HORMAD1: variants seen among roughly 807,000 people sequenced by gnomAD.
The protein encoded by HORMAD1 is HORMA domain containing 1.
Under a neutral mutation model 58.2 loss-of-function variants are expected in HORMAD1, and 33 were observed. The observed-to-expected ratio is 0.57, with a 90% CI of 0.43 to 0.76. The LOEUF (loss-of-function observed/expected upper bound fraction) is 0.76. Among genes scored for constraint, HORMAD1 ranks in the 30% least tolerant of loss-of-function variants. The probability of loss-of-function intolerance (pLI) is 0.00; values close to 1 mark genes in which losing one functional copy is unlikely to be tolerated. For synonymous variants in HORMAD1, 137 were observed against 144.6 expected, an observed-to-expected ratio of 0.95 and a Z score of 0.38; for missense variants, 363 against 462.0, an observed-to-expected ratio of 0.79 and a Z score of 1.96.
chr1:150,713,992 G>T, intron 5 of HORMAD1, 93 bp downstream of exon 5: 1 of 829,304 alleles, frequency 1.2e-6, no homozygotes, highest in Non-Finnish European at 2.0e-6. Flanking sequence ...ACTCAAGTTA[G>T]TTCAAATGAA....
intron 2 of HORMAD1, among the ~76,000 whole-genome samples, chr1:150,717,876 G>T (rs1374318647): frequency 6.6e-6 from 1 of 152,086 alleles, no homozygotes; most frequent in African/African-American, 2.4e-5. Flanking sequence ...AGCCCAGGAG[G>T]CAGAGGTTGC....
At chr1:150,701,245 C>T (rs1405364008) in intron 13 of HORMAD1, among the ~76,000 whole-genome samples, 1 of 152,128 alleles carries the variant, frequency 6.6e-6, no homozygotes, top group African/African-American at 2.4e-5. Context: ...ATCCCTATAT[C>T]CTAGTAAAGG....
chr1:150,720,525 A>C (rs1360964926), intron 1 of HORMAD1, among the ~76,000 whole-genome samples: 1 of 152,140 alleles, frequency 6.6e-6, no homozygotes, highest in Non-Finnish European at 1.5e-5. Flanking sequence ...TTAATCAGAC[A>C]ATTCAGCTGG....
chr1:150,717,905 C>T (rs1181474574), intron 2 of HORMAD1, among the ~76,000 whole-genome samples: 1 of 151,982 alleles, frequency 6.6e-6, no homozygotes, highest in African/African-American at 2.4e-5. Context: ...AAGATCGCAC[C>T]ACTGCACTCC....
rs191748789 is a variant in HORMAD1 at position 150,699,767 on chromosome 1, C to T, written c.1104+345G>A. ...CAGGAGGGTCTCGATCTCTTGACCT[C>T]GTGATCCACCTGCCTCAGTCTCCCA... On this transcript the variant is annotated intron_variant, in intron 14 of 14. Coordinates refer to ENST00000361824, the MANE Select transcript of HORMAD1 (RefSeq NM_032132.5). 7.4e-3 allele frequency among the ~76,000 whole-genome samples: 1,121 copies of T among 151,390 alleles called. 9 individuals are homozygous for T. The highest frequency in any genetic ancestry group is 0.027 in the Middle Eastern group (8 of 292).
chr1:150,708,161 A>C (rs1192979048), intron 9 of HORMAD1, 95 bp downstream of exon 9: 3 of 966,192 alleles, frequency 3.1e-6, no homozygotes, highest in Non-Finnish European at 4.5e-6. Context: ...ATTTCAAAAA[A>C]TTTAGGTGCT....
Position 150,698,609 on chromosome 1 carries a change from A to G in HORMAD1, c.*45T>C. The G allele has an allele frequency of 9.9e-7, 1 of 1,012,528 alleles. No individual in the cohort carries two copies. The highest frequency in any genetic ancestry group is 1.5e-6 in the Non-Finnish European group (1 of 651,938). The allele number at this position is 1,012,528 out of a possible 1,614,324, so 62.7% of individuals were successfully genotyped here. The stretch of plus-strand genomic sequence containing the variant: ...AATATAATATAGGGTCCTTCAGTTT[A>G]AATGGTGAGAAGAACTCTGCAAGCC... On this transcript the variant is annotated 3_prime_UTR_variant, in exon 15 of 15. Coordinates refer to ENST00000361824, the MANE Select transcript of HORMAD1 (RefSeq NM_032132.5).
At chr1:150,713,723 T>A (rs1402722238) in intron 5 of HORMAD1, 1 of 173,300 alleles carries the variant, frequency 5.8e-6, no homozygotes, top group East Asian at 1.7e-4. Context: ...TGAACCCTAA[T>A]AAGGAAATAA....
chr1:150,711,632 A>T, intron 6 of HORMAD1, 61 bp from the exon 7 acceptor site: 2 of 1,290,624 alleles, frequency 1.5e-6, no homozygotes, highest in Non-Finnish European at 2.2e-6. Flanking sequence ...ACTAAATTAG[A>T]TGTTTAGACT....
rs1177995174 is a variant in HORMAD1, at chr1:150,704,340, C to G, written c.808G>C (p.Asp270His). 1 of 1,562,388 alleles carries G rather than the reference C, an allele frequency of 6.4e-7. No homozygotes were observed. Among genetic ancestry groups the G allele is most frequent in the African/African-American group, 1.4e-5 (1 of 72,518 alleles). Residue 270 changes from aspartate (D) to histidine (H), a missense_variant, in exon 11 of 15, where the codon GAT becomes CAT. Asp to His is a moderately conservative substitution (Grantham distance 81). Around this residue, in one of 3 missense-constraint regions of HORMAD1, gnomAD observed 226 missense variants for 257.8 expected, o/e 0.88. Transcript: ENST00000361824. ...TCCATTTTAGTTTCAATGTCCAAATCATCCTACATAATTATGTGAAGAAAA... is the reference window on the plus strand; with the variant it reads ...TCCATTTTAGTTTCAATGTCCAAATGATCCTACATAATTATGTGAAGAAAA... ...EDEQEHYTSD[D>H]LDIETKMEEQ...
chr1:150,704,084 A>C, intron 12 of HORMAD1, 34 bp downstream of exon 12: 1 of 1,462,852 alleles, frequency 6.8e-7, no homozygotes, highest in Non-Finnish European at 9.3e-7. Context: ...CCTGTGAACA[A>C]AACAAAAGTG....
In HORMAD1 at chr1:150,704,319, T is replaced by A. The variant is rs937098746; in HGVS notation, c.829A>T (p.Met277Leu). 6.3e-7 allele frequency: 1 copy of A among 1,585,064 alleles called. No individual in the cohort carries two copies. Among genetic ancestry groups the A allele is most frequent in the South Asian group, 1.2e-5 (1 of 85,646 alleles). ...TSDDLDIETK[M>L]EEQEKNPASS... ...GCAGGGTTTTTTTCCTGTTCTTCCA[T>A]TTTAGTTTCAATGTCCAAATCATCC... Residue 277 changes from methionine (M) to leucine (L), a missense_variant, in exon 11 of 15, where the codon ATG (methionine) becomes TTG (leucine). By Grantham distance (15) the Met-to-Leu change is conservative. This residue lies in a region of HORMAD1 where 226 missense variants were observed against 257.8 expected (regional missense o/e 0.88). Coordinates refer to ENST00000361824, the MANE Select transcript of HORMAD1 (RefSeq NM_032132.5).
intron 1 of HORMAD1, among the ~76,000 whole-genome samples, chr1:150,719,776 A>C (rs911844467): frequency 6.6e-6 from 1 of 152,222 alleles, no homozygotes; most frequent in Non-Finnish European, 1.5e-5. Flanking sequence ...AAACTGTTTA[A>C]GAGAACTTTT....
intron 7 of HORMAD1, among the ~76,000 whole-genome samples, chr1:150,710,297 T>G (rs1227838378): frequency 6.6e-6 from 1 of 152,152 alleles, no homozygotes; most frequent in Non-Finnish European, 1.5e-5. Flanking sequence ...ACACAGGGCA[T>G]AAATCTTTGC....
At chr1:150,711,663 AAAAC>A (rs1337598159) in intron 6 of HORMAD1, 92 bp from the exon 7 acceptor site, 9 of 1,071,232 alleles carry the variant, frequency 8.4e-6, no homozygotes, top group Middle Eastern at 2.1e-4. Context: ...TGAACTCAGC[AAAAC>A]AAACAAATAA....
chr1:150,717,252 T>C lies in HORMAD1; in HGVS notation c.64A>G (p.Thr22Ala). 2 of 1,584,706 alleles carry C rather than the reference T, an allele frequency of 1.3e-6. No individual in the cohort carries two copies. Among genetic ancestry groups the C allele is most frequent in the Non-Finnish European group, 1.7e-6 (2 of 1,163,194 alleles). Residue 22 changes from threonine (T) to alanine (A), a missense_variant, in exon 3 of 15, where the codon ACT becomes GCT. Thr to Ala is a moderately conservative substitution (Grantham distance 58). Transcript: ENST00000361824. ...SALVFPNKIS[T>A]EHQSLVLVKR... ...ACTAACACCAAAGACTGGTGTTCAGTTGATATCTTATTGGGAAATACCAGT... is the reference window on the plus strand; with the variant it reads ...ACTAACACCAAAGACTGGTGTTCAGCTGATATCTTATTGGGAAATACCAGT...
chr1:150,719,491 C>T lies in HORMAD1; in HGVS notation c.15G>A (p.Gln5=). Residue 5 remains glutamine, a synonymous_variant, in exon 2 of 15, where the codon CAG becomes CAA. Transcript: ENST00000361824. ...ATCATACCATGGGAGTCCTCTGCAA[C>T]TGGGCAGTGGCCATCTTCTTCTGAT... The part of the protein sequence containing the change: MATA[Q]LQRTPMSALV... 6.3e-7 allele frequency: 1 copy of T among 1,586,718 alleles called. No homozygotes were observed. The highest frequency in any genetic ancestry group is 1.1e-5 in the South Asian group (1 of 87,076).
intron 2 of HORMAD1, 80 bp from the exon 3 acceptor site, chr1:150,717,362 T>C: frequency 1.1e-6 from 1 of 900,208 alleles, no homozygotes; most frequent in Admixed American, 2.8e-5. Context: ...TATATCCAAT[T>C]TTGTATAATC....
chr1:150,711,833 A>G lies in HORMAD1; in HGVS notation c.300T>C (p.Ala100=). ...GAACACACAATTTAAAAATACTTAC[A>G]GCTAGAACAACCATCCTTAGCTGAA... The part of the protein sequence containing the change: ...QKKYLRMVVL[A]VYTNPEDPQT... Residue 100 remains alanine, a splice_region_variant and synonymous_variant, in exon 6 of 15, where the codon GCT becomes GCC. Coordinates refer to ENST00000361824, the MANE Select transcript of HORMAD1 (RefSeq NM_032132.5). The G allele has an allele frequency of 6.3e-7, 1 of 1,580,766 alleles. No homozygotes were observed. The highest frequency in any genetic ancestry group is 1.7e-5 in the Admixed American group (1 of 58,932).
Sources: allele counts gnomAD v4.1 joint callset (sites outside exome capture counted in the v4.1 genomes callset), GRCh38; gene constraint gnomAD v4.1.1; regional missense constraint gnomAD v4.1.1; transcripts MANE v1.5; gene names NCBI Gene and HGNC (gene_info 2026-07-23, HGNC 2026-07-21).